The following CPLANE1 variants were observed in gnomAD, a reference collection of about 807,000 sequenced individuals.
The protein encoded by CPLANE1 is ciliogenesis and planar polarity effector 1.
Under a neutral mutation model 362.5 loss-of-function variants are expected in CPLANE1, and 263 were observed. That is an observed-to-expected ratio of 0.73 (90% confidence interval 0.66 to 0.80). CPLANE1 has a LOEUF of 0.80. CPLANE1 is among the 30% of genes least tolerant of loss of function. CPLANE1 has a pLI of 0.00. For missense variants in CPLANE1, 3,461 were observed against 3,793.4 expected (o/e 0.91, Z 2.30); for synonymous variants, 1,212 against 1,302.6 (o/e 0.93, Z 1.50).
intron 45 of CPLANE1, 22 bp from the exon 46 acceptor site, chr5:37,138,870 A>G (rs1289443258): frequency 6.3e-7 from 1 of 1,591,006 alleles, no homozygotes; most frequent in Non-Finnish European, 8.5e-7. Context: ...AATGTAATTT[A>G]AGAAATATAA....
the CPLANE1 span, among the ~76,000 whole-genome samples, chr5:37,100,071 T>C: frequency 6.6e-6 from 1 of 152,226 alleles, no homozygotes; most frequent in South Asian, 2.1e-4. Context: ...GTCTGTTCAC[T>C]CTGATGATAG....
At position 37,247,764 on chromosome 5, in the gene CPLANE1, A is replaced by T. The variant is rs1471414706; in HGVS notation, c.-47-19T>A. ...CAAGATTCTGTAAACAATAATAGTA[A>T]TAAAATATAAATGATGCATAATATT... On this transcript the variant is annotated intron_variant, in intron 1 of 52. Coordinates refer to ENST00000651892, the MANE Select transcript of CPLANE1 (RefSeq NM_001384732.1). 8 of 1,457,470 alleles carry T rather than the reference A, an allele frequency of 5.5e-6. No homozygotes were observed. In the Admixed American group the frequency reaches 1.9e-4, roughly 34 times the overall value. The allele number at this position is 1,457,470 out of a possible 1,614,324, so 90.3% of individuals were successfully genotyped here.
At chr5:37,223,799 T>C (rs2150389454) in intron 14 of CPLANE1, among the ~76,000 whole-genome samples, 1 of 152,310 alleles carries the variant, frequency 6.6e-6, no homozygotes, top group Middle Eastern at 3.4e-3. Context: ...TGTAAGAAGG[T>C]GGTGAAATAT....
the CPLANE1 span, among the ~76,000 whole-genome samples, chr5:37,094,603 A>C: frequency 6.6e-6 from 1 of 152,210 alleles, no homozygotes; most frequent in Non-Finnish European, 1.5e-5. Flanking sequence ...AACTAAATGA[A>C]ATTAAAACAA....
intron 25 of CPLANE1, among the ~76,000 whole-genome samples, chr5:37,184,324 G>GA (rs970537235): frequency 4.6e-5 from 7 of 152,036 alleles, no homozygotes; most frequent in Non-Finnish European, 1.0e-4. Context: ...CTCAGTAAGA[G>GA]AACAGGTGTT....
chr5:37,134,632 AT>A (rs1767033473), intron 46 of CPLANE1, among the ~76,000 whole-genome samples: 1 of 151,546 alleles, frequency 6.6e-6, no homozygotes, highest in South Asian at 2.1e-4. Context: ...TTGGTTCTCG[AT>A]TTTGTTCACT....
chr5:37,173,290 G>A (rs549371847), intron 32 of CPLANE1, among the ~76,000 whole-genome samples: 1 of 152,278 alleles, frequency 6.6e-6, no homozygotes, highest in Non-Finnish European at 1.5e-5. Flanking sequence ...GTGTCAGCTG[G>A]AAAATAAACC....
At position 37,159,965 on chromosome 5, in the gene CPLANE1, CAA is replaced by C. The variant is rs557124014; in HGVS notation, c.7691-1622_7691-1621del. Among the ~76,000 whole-genome samples, 49 of 151,048 alleles carry C rather than the reference CAA, an allele frequency of 3.2e-4. No homozygotes were observed. In the East Asian group the frequency reaches 8.3e-3, roughly 26 times the overall value. Reference sequence around the variant, plus strand: ...CTTGTAGTACATTAAAAATTTAAGACAAAAAGAGAAAACAAAAAAATTTCACA... The same window carrying C: ...CTTGTAGTACATTAAAAATTTAAGACAAAGAGAAAACAAAAAAATTTCACA... On this transcript the variant is annotated intron_variant, in intron 38 of 52. Coordinates refer to ENST00000651892, the MANE Select transcript of CPLANE1 (RefSeq NM_001384732.1).
At chr5:37,120,444 C>T (rs1762312762) in intron 49 of CPLANE1, 104 bp from the exon 50 acceptor site, 10 of 935,866 alleles carry the variant, frequency 1.1e-5, no homozygotes, top group Middle Eastern at 3.2e-4. Context: ...GTAGTGCAAG[C>T]CTATAGCCCC....
At chr5:37,238,235 C>T (rs1799458400) in intron 8 of CPLANE1, among the ~76,000 whole-genome samples, 1 of 152,040 alleles carries the variant, frequency 6.6e-6, no homozygotes, top group Non-Finnish European at 1.5e-5. Context: ...TGCAGTAGTG[C>T]GATCTCAGCT....
At chr5:37,128,349 T>C (rs1257530938) in intron 46 of CPLANE1, among the ~76,000 whole-genome samples, 2 of 152,192 alleles carry the variant, frequency 1.3e-5, no homozygotes, top group African/African-American at 4.8e-5. Flanking sequence ...TCTGATCACC[T>C]CATCTCTAAA....
At position 37,209,732 on chromosome 5, in the gene CPLANE1, G is replaced by A; in HGVS notation, c.2921-3307C>T. 3 of 1,217,420 alleles carry A rather than the reference G, an allele frequency of 2.5e-6. No homozygotes were observed. The highest frequency in any genetic ancestry group is 3.7e-6 in the Non-Finnish European group (3 of 820,888). The allele number at this position is 1,217,420 out of a possible 1,614,324, so 75.4% of individuals were successfully genotyped here. Reference sequence around the variant, plus strand: ...TTAAAATCAACCCTACTTCCAGTCTGTACAAATCACTGGTTTCAGGAGCTG... The same window carrying A: ...TTAAAATCAACCCTACTTCCAGTCTATACAAATCACTGGTTTCAGGAGCTG... On this transcript the variant is annotated intron_variant, in intron 16 of 52. Transcript: ENST00000651892. This position sits in a 1 kb window ranked among gnomAD's most constrained non-coding sequence, Gnocchi z 4.6.
chr5:37,183,742 A>C (rs1454057321), intron 25 of CPLANE1, 43 bp from the exon 26 acceptor site: 1 of 1,323,556 alleles, frequency 7.6e-7, no homozygotes, highest in Non-Finnish European at 1.0e-6. Flanking sequence ...GAGATCATTT[A>C]ATCACTAAAA....
the CPLANE1 span, among the ~76,000 whole-genome samples, chr5:37,088,029 G>A: frequency 1.3e-5 from 2 of 152,200 alleles, no homozygotes; most frequent in African/African-American, 4.8e-5. Context: ...GGGTCCTCAT[G>A]CCAATGTACA....
intron 42 of CPLANE1, 48 bp from the exon 43 acceptor site, chr5:37,148,316 T>C (rs1394953168): frequency 2.3e-6 from 3 of 1,322,180 alleles, no homozygotes; most frequent in South Asian, 1.4e-5. Context: ...CTTTGATAAT[T>C]TCAAAATAAC....
At chr5:37,100,775 CCTCT>C in the CPLANE1 span, among the ~76,000 whole-genome samples, 1 of 152,176 alleles carries the variant, frequency 6.6e-6, no homozygotes, top group Admixed American at 6.6e-5. Context: ...TTGCTTGTGT[CCTCT>C]CTGATTTCTT....
intron 8 of CPLANE1, among the ~76,000 whole-genome samples, chr5:37,232,839 CAAAAAA>C (rs765038993): frequency 1.3e-4 from 8 of 62,008 alleles, no homozygotes; most frequent in African/African-American, 1.7e-4. Context: ...GACCTTGTTG[CAAAAAA>C]AAAAAAAAAA....
At chr5:37,223,343 C>A (rs530126010) in intron 14 of CPLANE1, among the ~76,000 whole-genome samples, 1 of 152,204 alleles carries the variant, frequency 6.6e-6, no homozygotes, top group Non-Finnish European at 1.5e-5. Flanking sequence ...TTCTTCTGTG[C>A]TCCCTAAACA....
chr5:37,211,094 C>T (rs758710572), intron 16 of CPLANE1: 1 of 975,446 alleles, frequency 1.0e-6, no homozygotes, highest in Non-Finnish European at 1.7e-6. Flanking sequence ...TAAATGGCAA[C>T]ATGGTGCTTC....
Sources: allele counts gnomAD v4.1 joint callset (sites outside exome capture counted in the v4.1 genomes callset), GRCh38; gene constraint gnomAD v4.1.1; non-coding constraint Gnocchi (gnomAD v3.1); transcripts MANE v1.5; gene names NCBI Gene and HGNC (gene_info 2026-07-23, HGNC 2026-07-21).